ATG2A: variants seen among roughly 807,000 people sequenced by gnomAD.
ATG2A encodes autophagy-related protein 2 homolog A.
In ATG2A, 103 loss-of-function variants were observed where a neutral mutation model predicts 214.2. The observed-to-expected ratio is 0.48, with a 90% CI of 0.41 to 0.57. ATG2A has a LOEUF of 0.57. Among genes scored for constraint, ATG2A ranks in the 20% least tolerant of loss-of-function variants. The pLI is 0.00. For missense variants in ATG2A, 2,312 were observed against 2,613.2 expected (o/e 0.88, Z 2.51); for synonymous variants, 1,160 against 1,142.1 (o/e 1.02, Z -0.32).
chr11:64,913,342 T>C lies in ATG2A; in HGVS notation c.650A>G (p.His217Arg), dbSNP rs559890570. 6 of 1,606,358 alleles carry C rather than the reference T, an allele frequency of 3.7e-6. No individual in the cohort carries two copies. In the African/African-American group the frequency reaches 4.0e-5, roughly 11 times the overall value. ...DPSQAPPVDV[H>R]QPPAFLHKLL... is the part of the protein sequence containing the mutation. ...CTTGTGCAGGAAGGCAGGCGGCTGA[T>C]GCACGTCCACCGGCGGCGCCTGGCT... is the stretch of plus-strand genomic sequence containing the variant. Residue 217 changes from histidine to arginine, a missense_variant, in exon 5 of 41, where the codon CAT becomes CGT. His to Arg is a conservative substitution (Grantham distance 29). Coordinates refer to ENST00000377264, the MANE Select transcript of ATG2A (RefSeq NM_015104.3). The surrounding 1 kb of genome is among the most constrained non-coding windows in gnomAD (Gnocchi z 4.3).
In ATG2A at chr11:64,902,263, A is replaced by G. The variant is rs765611102; in HGVS notation, c.3901T>C (p.Ser1301Pro). The change falls in exon 28 of 41, where the codon TCA (serine) becomes CCA (proline). Residue 1301 changes from serine to proline, a missense_variant. Coordinates refer to ENST00000377264, the MANE Select transcript of ATG2A (RefSeq NM_015104.3). Reference protein sequence around the residue: ...ERSLRELAQPSGGHLPQASPI... With the variant: ...ERSLRELAQPPGGHLPQASPI... ...CCCCACAGCACCCCCACTTCACCTG[A>G]AGGCTGGGCCAGCTCCCGTAGGCTG... The G allele has an allele frequency of 1.4e-5, 22 of 1,613,226 alleles. No homozygotes were observed. In the African/African-American group the frequency reaches 2.9e-4, roughly 21 times the overall value.
Position 64,911,122 on chromosome 11 carries a change from G to T in ATG2A, c.1382C>A (p.Ala461Asp). Residue 461 changes from alanine to aspartate, a missense_variant, in exon 10 of 41, where the codon GCC becomes GAC. Physicochemically the swap from Ala to Asp is moderately radical, Grantham distance 126. Transcript: ENST00000377264. ...GGAACCGAAGGGCCCATCCTTGGTG[G>T]CATCAAACTCGGTGAAAAAGTGCGT... Reference protein sequence around the residue: ...LATHFFTEFDATKDGPFGSRD... With the variant: ...LATHFFTEFDDTKDGPFGSRD... 1 of 1,614,146 alleles carries T rather than the reference G, an allele frequency of 6.2e-7. No homozygotes were observed. Among genetic ancestry groups the T allele is most frequent in the Non-Finnish European group, 8.5e-7 (1 of 1,180,030 alleles).
intron 31 of ATG2A, among the ~76,000 whole-genome samples, chr11:64,899,357 C>T (rs1433605305): frequency 6.6e-6 from 1 of 152,178 alleles, no homozygotes; most frequent in Non-Finnish European, 1.5e-5. Flanking sequence ...TAGCCCCTCT[C>T]CGTGGAGAGC....
rs1944674513 is a variant in ATG2A, at chr11:64,909,355, T to A, written c.2120A>T (p.Asp707Val). Residue 707 changes from aspartate to valine, a missense_variant, in exon 15 of 41, where the codon GAT becomes GTT. Coordinates refer to ENST00000377264, the MANE Select transcript of ATG2A (RefSeq NM_015104.3). ...TCSDLHGIYE[D>V]GGKPPVPCLR... Reference sequence around the variant, plus strand: ...GCAAGGGACAGGTGGCTTCCCTCCATCTTCATAGATACCTGGAGGGGGATG... The same window carrying A: ...GCAAGGGACAGGTGGCTTCCCTCCAACTTCATAGATACCTGGAGGGGGATG... 6.2e-7 allele frequency: 1 copy of A among 1,612,878 alleles called. No homozygotes were observed. The highest frequency in any genetic ancestry group is 8.5e-7 in the Non-Finnish European group (1 of 1,179,714).
chr11:64,911,157 AG>A lies in ATG2A; in HGVS notation c.1346del (p.Pro449LeufsTer42), dbSNP rs1565063929. ...CGGTGAAAAAGTGCGTGGCGAGGTC[AG>A]GTGGTCCGGAAGATGGGGCAGACGT... ...LQTSAPSSGP[P>X]DLATHFFTEF... On this transcript the variant is annotated frameshift_variant, in exon 10 of 41. Transcript: ENST00000377264. LOFTEE classifies it high-confidence loss of function. 1 of 1,614,132 alleles carries A rather than the reference AG, an allele frequency of 6.2e-7. No homozygotes were observed. The highest frequency in any genetic ancestry group is 2.2e-5 in the East Asian group (1 of 44,886).
intron 2 of ATG2A, 50 bp from the exon 3 acceptor site, chr11:64,914,283 G>T: frequency 6.4e-7 from 1 of 1,554,728 alleles, no homozygotes; most frequent in Middle Eastern, 1.7e-4. Flanking sequence ...TCAGGTCCTG[G>T]ACGCCCCAGC....
Position 64,902,126 on chromosome 11 carries a change from C to T in ATG2A, c.3955G>A (p.Glu1319Lys). 1 of 1,613,806 alleles carries T rather than the reference C, an allele frequency of 6.2e-7. No individual in the cohort carries two copies. The highest frequency in any genetic ancestry group is 8.5e-7 in the Non-Finnish European group (1 of 1,180,002). The part of the protein sequence containing the change: ...SPISVYLFPG[E>K]RSGAPPPSPP... The stretch of plus-strand genomic sequence containing the variant: ...GAAGGGGGTGGGGCCCCACTCCGTT[C>T]ACCTGGGAATAGGTAGACGGAGATG... Residue 1319 changes from glutamate (E) to lysine (K), a missense_variant, in exon 29 of 41, where the codon GAA becomes AAA. Physicochemically the swap from Glu to Lys is moderately conservative, Grantham distance 56. Coordinates refer to ENST00000377264, the MANE Select transcript of ATG2A (RefSeq NM_015104.3).
chr11:64,895,101 C>T lies in ATG2A; in HGVS notation c.5689G>A (p.Val1897Met), dbSNP rs749199806. 2.5e-6 allele frequency: 4 copies of T among 1,613,062 alleles called. No individual in the cohort carries two copies. The South Asian group carries it at 3.3e-5, about 13-fold the overall frequency. The change falls in exon 41 of 41, where the codon GTG becomes ATG. Residue 1897 changes from valine (V) to methionine (M), a missense_variant. By Grantham distance (21) the Val-to-Met change is conservative. Transcript: ENST00000377264. The surrounding 1 kb of genome is among the most constrained non-coding windows in gnomAD (Gnocchi z 5.0). ...GGVIRQLPPT[V>M]VKPLILATEA... ...GTGGCCAGGATGAGCGGCTTCACCA[C>T]AGTCGGGGGCAGCTGGCGGATCACG... is the stretch of plus-strand genomic sequence containing the variant.
chr11:64,905,569 A>C lies in ATG2A; in HGVS notation c.3458T>G (p.Leu1153Arg), dbSNP rs773791965. The change falls in exon 24 of 41, where the codon CTG (leucine) becomes CGG (arginine). Residue 1153 changes from leucine to arginine, a missense_variant. Physicochemically the swap from Leu to Arg is moderately radical, Grantham distance 102. Coordinates refer to ENST00000377264, the MANE Select transcript of ATG2A (RefSeq NM_015104.3). ...SNIIMDTSTF[L>R]LRFILDDSAL... The stretch of plus-strand genomic sequence containing the variant: ...TGTGGGGCGGCCTGCATACCTGAGC[A>C]GGAAGGTGGAGGTGTCCATGATGAT... The C allele has an allele frequency of 4.3e-6, 7 of 1,611,184 alleles. No homozygotes were observed. The highest frequency in any genetic ancestry group is 5.1e-6 in the Non-Finnish European group (6 of 1,179,030).
Position 64,911,232 on chromosome 11 carries a change from G to C in ATG2A, c.1272C>G (p.Asp424Glu). Residue 424 changes from aspartate (D) to glutamate (E), a missense_variant, in exon 10 of 41, where the codon GAC becomes GAG. By Grantham distance (45) the Asp-to-Glu change is conservative (BLOSUM62 2). Transcript: ENST00000377264. ...PNPLLDTMRPDSLLKMTLGGV... is the reference protein window; with the variant it reads ...PNPLLDTMRPESLLKMTLGGV... ...CCCCCAAGGTCATCTTCAGCAGCGA[G>C]TCAGGGCGCATGGTGTCCAGGAGGG... 6.2e-7 allele frequency: 1 copy of C among 1,614,082 alleles called. No individual in the cohort carries two copies. The highest frequency in any genetic ancestry group is 1.1e-5 in the South Asian group (1 of 91,088).
At chr11:64,906,256 C>A (rs1329812419) in intron 21 of ATG2A, 63 bp from the exon 22 acceptor site, 1 of 1,605,018 alleles carries the variant, frequency 6.2e-7, no homozygotes, top group East Asian at 2.2e-5. Context: ...TGGGGCCTCA[C>A]CGCGCACTGG....
rs374688586 is a variant in ATG2A, at chr11:64,914,423, G to A, written c.249C>T (p.Ala83=). Residue 83 remains alanine, a synonymous_variant, in exon 2 of 41, where the codon GCC becomes GCT. Transcript: ENST00000377264. The part of the protein sequence containing the change: ...VEGFVGSIEV[A]VPWAALLTDH... ...CGGTGAGCAGAGCAGCCCAGGGCAC[G>A]GCCACCTCGATGGAGCCCACGAAGC... 1.6e-5 allele frequency: 25 copies of A among 1,612,368 alleles called. No homozygotes were observed. In the African/African-American group the frequency reaches 1.7e-4, roughly 11 times the overall value.
intron 1 of ATG2A, 95 bp downstream of exon 1, chr11:64,916,870 G>A (rs983016006): frequency 1.3e-6 from 2 of 1,529,142 alleles, no homozygotes; most frequent in Non-Finnish European, 8.8e-7. Context: ...TCTACGCCCG[G>A]TGCCTGATCC....
In ATG2A at chr11:64,902,367, G is replaced by A. The variant is rs759486281; in HGVS notation, c.3797C>T (p.Ser1266Phe). ...AGQKLSESPA[S>F]LPSCPPVETA... Reference sequence around the variant, plus strand: ...CTCCACTGGGGGGCACGAGGGCAGAGAGGCAGGACTCTCCGAGAGCTGGGC... The same window carrying A: ...CTCCACTGGGGGGCACGAGGGCAGAAAGGCAGGACTCTCCGAGAGCTGGGC... Residue 1266 changes from serine to phenylalanine, a missense_variant, in exon 28 of 41, where the codon TCT becomes TTT. Ser to Phe is a radical substitution (Grantham distance 155). Coordinates refer to ENST00000377264, the MANE Select transcript of ATG2A (RefSeq NM_015104.3). The A allele has an allele frequency of 1.9e-6, 3 of 1,591,038 alleles. No homozygotes were observed. The highest frequency in any genetic ancestry group is 2.6e-6 in the Non-Finnish European group (3 of 1,169,486).
chr11:64,914,516 A>T lies in ATG2A; in HGVS notation c.172-16T>A. ...CGTTCACAGACTGGGAGCAAGCAAG[A>T]GACAAAACCAGCTCAGGGAAACCCC... On this transcript the variant is annotated splice_polypyrimidine_tract_variant and intron_variant, in intron 1 of 40. Transcript: ENST00000377264. 6.2e-7 allele frequency: 1 copy of T among 1,609,530 alleles called. No individual in the cohort carries two copies. Among genetic ancestry groups the T allele is most frequent in the Non-Finnish European group, 8.5e-7 (1 of 1,178,324 alleles).
chr11:64,911,503 A>G (rs1379164643), intron 9 of ATG2A, among the ~76,000 whole-genome samples: 2 of 152,158 alleles, frequency 1.3e-5, no homozygotes, highest in Non-Finnish European at 2.9e-5. Context: ...AGGATGTGAT[A>G]AAGCACCCAG....
chr11:64,912,500 G>A (rs561664618), intron 6 of ATG2A, 77 bp from the exon 7 acceptor site: 23 of 1,271,550 alleles, frequency 1.8e-5, no homozygotes, highest in South Asian at 1.3e-4. Flanking sequence ...GCCTGCCCTC[G>A]CCCTGGGAAA....
At chr11:64,901,827 G>A in intron 29 of ATG2A, 135 bp downstream of exon 29, 3 of 1,026,354 alleles carry the variant, frequency 2.9e-6, no homozygotes, top group Non-Finnish European at 4.3e-6. Context: ...CCCCCGAGGT[G>A]ATGGCAACCA....
rs936744569 is a variant in ATG2A at position 64,907,764 on chromosome 11, C to T, written c.2491G>A (p.Glu831Lys). 1.3e-5 allele frequency: 21 copies of T among 1,613,216 alleles called. No homozygotes were observed. The East Asian group carries it at 1.6e-4, about 12-fold the overall frequency. Residue 831 changes from glutamate (E) to lysine (K), a missense_variant, in exon 17 of 41, where the codon GAG becomes AAG. Glu to Lys is a moderately conservative substitution (Grantham distance 56). Transcript: ENST00000377264. ...GGTCTCCACCTGTTGTAGATGCTCTCGTAGACCTCCTTGCTGGGCAGAAAG... is the reference window on the plus strand; with the variant it reads ...GGTCTCCACCTGTTGTAGATGCTCTTGTAGACCTCCTTGCTGGGCAGAAAG... The part of the protein sequence containing the change: ...HIFLPSKEVY[E>K]SIYNRINNDL...
Sources: allele counts gnomAD v4.1 joint callset (sites outside exome capture counted in the v4.1 genomes callset), GRCh38; gene constraint gnomAD v4.1.1; non-coding constraint Gnocchi (gnomAD v3.1); transcripts MANE v1.5; gene names NCBI Gene and HGNC (gene_info 2026-07-23, HGNC 2026-07-21).